PEPD: variants seen among roughly 807,000 people sequenced by gnomAD.
PEPD encodes peptidase D.
Under a neutral mutation model 60.7 loss-of-function variants are expected in PEPD, and 53 were observed. The ratio of observed to expected loss-of-function variants is 0.87; its 90% confidence interval spans 0.70 to 1.10. PEPD has a LOEUF of 1.10. Ranked by LOEUF, PEPD falls within the 50% of genes least tolerant of loss-of-function variation. PEPD has a pLI of 0.00. For missense variants in PEPD, 711 were observed against 711.9 expected, an observed-to-expected ratio of 1.00 and a Z score of 0.01; for synonymous variants, 267 against 284.1, an observed-to-expected ratio of 0.94 and a Z score of 0.60.
intron 9 of PEPD, among the ~76,000 whole-genome samples, chr19:33,426,799 C>T (rs1181918946): frequency 3.3e-5 from 5 of 152,330 alleles, no homozygotes; most frequent in South Asian, 4.1e-4. Context: ...CTGCAGGAAG[C>T]GAGGACCACA....
intron 12 of PEPD, among the ~76,000 whole-genome samples, chr19:33,393,361 G>C (rs1313666812): frequency 6.6e-6 from 1 of 152,066 alleles, no homozygotes; most frequent in Non-Finnish European, 1.5e-5. Flanking sequence ...CAGCTGCCCT[G>C]TATCTGGGGC....
chr19:33,490,351 A>C (rs1970475351), intron 5 of PEPD, among the ~76,000 whole-genome samples: 1 of 152,260 alleles, frequency 6.6e-6, no homozygotes, highest in South Asian at 2.1e-4. Context: ...GAAACCAGCC[A>C]GGCTGCCCAG....
At chr19:33,518,914 A>G (rs773016799) in intron 1 of PEPD, among the ~76,000 whole-genome samples, 1 of 152,192 alleles carries the variant, frequency 6.6e-6, no homozygotes, top group Non-Finnish European at 1.5e-5. Context: ...GGGAAAGGGA[A>G]CCATCTGAGC....
chr19:33,483,944 G>A (rs1209799240), intron 6 of PEPD, among the ~76,000 whole-genome samples: 1 of 152,282 alleles, frequency 6.6e-6, no homozygotes, highest in South Asian at 2.1e-4. Context: ...CCATGGCTTC[G>A]TTAATGGTGT....
chr19:33,394,682 A>G (rs1193104725), intron 12 of PEPD, among the ~76,000 whole-genome samples: 1 of 151,900 alleles, frequency 6.6e-6, no homozygotes, highest in Non-Finnish European at 1.5e-5. Flanking sequence ...GCCTGGGCCC[A>G]CTCTCAGGCT....
At chr19:33,447,622 G>A (rs561785756) in intron 9 of PEPD, among the ~76,000 whole-genome samples, 48 of 152,306 alleles carry the variant, frequency 3.2e-4, no homozygotes, top group African/African-American at 9.9e-4. Flanking sequence ...CCTGTAACAC[G>A]GAAGCCAACA....
chr19:33,449,149 G>C (rs1368752752), intron 9 of PEPD, among the ~76,000 whole-genome samples: 2 of 152,234 alleles, frequency 1.3e-5, no homozygotes, highest in African/African-American at 4.8e-5. Context: ...GCCCACTGTA[G>C]AGAAGACATC....
intron 9 of PEPD, among the ~76,000 whole-genome samples, chr19:33,461,150 C>T (rs1008164298): frequency 6.6e-6 from 1 of 152,208 alleles, no homozygotes; most frequent in African/African-American, 2.4e-5. Context: ...TTCTCACCAA[C>T]TGGAATACCT....
At chr19:33,485,390 G>A (rs1970377856) in intron 6 of PEPD, among the ~76,000 whole-genome samples, 1 of 151,946 alleles carries the variant, frequency 6.6e-6, no homozygotes, top group Non-Finnish European at 1.5e-5. Context: ...CTACCTGGGA[G>A]GCTGAGGCGG....
intron 9 of PEPD, among the ~76,000 whole-genome samples, chr19:33,432,928 G>A (rs184530876): frequency 6.6e-6 from 1 of 152,358 alleles, no homozygotes; most frequent in East Asian, 1.9e-4. Flanking sequence ...AGGCACCTCG[G>A]CCTCCTCGGC....
At chr19:33,442,923 C>T (rs1969511920) in intron 9 of PEPD, among the ~76,000 whole-genome samples, 1 of 152,186 alleles carries the variant, frequency 6.6e-6, no homozygotes, top group South Asian at 2.1e-4. Flanking sequence ...CAGAACTGTG[C>T]TCCACGGGGG....
chr19:33,412,382 T>G (rs1019178605), intron 10 of PEPD, among the ~76,000 whole-genome samples: 3 of 152,068 alleles, frequency 2.0e-5, no homozygotes, highest in African/African-American at 7.2e-5. Context: ...GGAACAGCAG[T>G]TCCTGGGCCT....
At chr19:33,444,379 C>T (rs777494576) in intron 9 of PEPD, among the ~76,000 whole-genome samples, 5 of 151,984 alleles carry the variant, frequency 3.3e-5, no homozygotes, top group Non-Finnish European at 5.9e-5. Flanking sequence ...CAGGAAACAG[C>T]GACTGTGAGG....
At chr19:33,467,642 T>C (rs1044147992) in intron 7 of PEPD, among the ~76,000 whole-genome samples, 1 of 151,940 alleles carries the variant, frequency 6.6e-6, no homozygotes, top group Non-Finnish European at 1.5e-5. Context: ...GCAATAAACA[T>C]ATGATGAAAA....
intron 9 of PEPD, among the ~76,000 whole-genome samples, chr19:33,462,262 G>A (rs1969939959): frequency 1.3e-5 from 2 of 152,364 alleles, no homozygotes; most frequent in Middle Eastern, 3.4e-3. Flanking sequence ...AGCCCAGAGT[G>A]AGGACATGGG....
intron 9 of PEPD, among the ~76,000 whole-genome samples, chr19:33,454,764 A>T (rs1969765465): frequency 6.6e-6 from 1 of 152,190 alleles, no homozygotes; most frequent in Admixed American, 6.5e-5. Context: ...CTGCTTTCCA[A>T]GAGTACAGAA....
chr19:33,438,078 T>C lies in PEPD; in HGVS notation c.672-24435A>G, dbSNP rs531502210. Among the ~76,000 whole-genome samples the C allele has an allele frequency of 1.4e-4, 21 of 152,318 alleles. No individual in the cohort carries two copies. In the Middle Eastern group the frequency reaches 0.01, roughly 74 times the overall value. ...GGCAATTCTCCTGGGCTCCTGGAAG[T>C]AGCCCTCCAATCACACCAGCTGGCT... On this transcript the variant is annotated intron_variant, in intron 9 of 14. Transcript: ENST00000244137.
At chr19:33,430,611 T>C (rs1338478352) in intron 9 of PEPD, among the ~76,000 whole-genome samples, 2 of 152,232 alleles carry the variant, frequency 1.3e-5, no homozygotes, top group East Asian at 3.9e-4. Context: ...TATAATGTTC[T>C]GTACTGACTG....
intron 9 of PEPD, among the ~76,000 whole-genome samples, chr19:33,454,658 G>C (rs1969763203): frequency 6.6e-6 from 1 of 151,778 alleles, no homozygotes; most frequent in Non-Finnish European, 1.5e-5. Context: ...AAAAAAGGTT[G>C]AACAAATAAA....
Sources: gnomAD v4.1 joint callset for allele counts (sites outside exome capture counted in the v4.1 genomes callset) on GRCh38, gnomAD v4.1.1 for gene constraint, MANE v1.5 for transcripts, NCBI Gene and HGNC (gene_info 2026-07-23, HGNC 2026-07-21) for gene names.